The following ACKR2 variants were observed in gnomAD, a reference collection of about 807,000 sequenced individuals.
The protein encoded by ACKR2 is atypical chemokine receptor 2, also known as C-C chemokine receptor D6.
For missense variants in ACKR2, 457 were observed against 477.3 expected (o/e 0.96, Z 0.40); for synonymous variants, 207 against 192.2 (o/e 1.08, Z -0.64).
intron 2 of ACKR2, chr3:42,834,505 T>G (rs913797708): frequency 6.6e-6 from 1 of 152,018 alleles, no homozygotes; most frequent in South Asian, 2.1e-4. Flanking sequence ...CCCACAAATA[T>G]GTAGGACTAT....
At chr3:42,856,472 C>A in intron 2 of ACKR2, 1 of 690,720 alleles carries the variant, frequency 1.4e-6, no homozygotes, top group South Asian at 1.5e-5. Context: ...CGAAGTCTGC[C>A]TGAAAAAAGG....
intron 1 of ACKR2, among the ~76,000 whole-genome samples, chr3:42,812,278 T>C (rs1326572172): frequency 6.6e-6 from 1 of 152,258 alleles, no homozygotes; most frequent in Non-Finnish European, 1.5e-5. Flanking sequence ...GCCAAGCCCT[T>C]ACTGAAACTA....
At chr3:42,827,312 A>C (rs950941138) in intron 2 of ACKR2, among the ~76,000 whole-genome samples, 7 of 152,174 alleles carry the variant, frequency 4.6e-5, no homozygotes, top group Non-Finnish European at 1.5e-5. Flanking sequence ...AATATTTCTT[A>C]ATCCATCTCC....
intron 2 of ACKR2, among the ~76,000 whole-genome samples, chr3:42,825,590 T>TGTGTGTGTGTGTGC (rs1700854378): frequency 6.6e-6 from 1 of 151,282 alleles, no homozygotes; most frequent in Non-Finnish European, 1.5e-5. Context: ...TGTGTGTGTG[T>TGTGTGTGTGTGTGC]GTGTGTGTGT....
chr3:42,844,135 G>A (rs527977605), intron 2 of ACKR2: 3 of 152,296 alleles, frequency 2.0e-5, no homozygotes, highest in African/African-American at 7.2e-5. Flanking sequence ...GTAAATTTTA[G>A]GTTGAACTAT....
In ACKR2 at chr3:42,864,475, A is replaced by T; in HGVS notation, c.-28A>T. On this transcript the variant is annotated 5_prime_UTR_variant, in exon 3 of 3. Transcript: ENST00000422265. ...TATTTTCCCCCCGCAGCACTACAGG[A>T]CGTCGGGACTGGGCATTTCCTTCCA... 2 of 1,563,964 alleles carry T rather than the reference A, an allele frequency of 1.3e-6. No individual in the cohort carries two copies. Among genetic ancestry groups the T allele is most frequent in the Non-Finnish European group, 1.7e-6 (2 of 1,155,990 alleles).
chr3:42,830,907 T>G (rs1700925498), intron 2 of ACKR2, among the ~76,000 whole-genome samples: 1 of 152,104 alleles, frequency 6.6e-6, no homozygotes, highest in Non-Finnish European at 1.5e-5. Context: ...CCAAGTCAGT[T>G]AATTTTAAAC....
chr3:42,812,106 C>T lies in ACKR2; in HGVS notation c.-119+2574C>T, dbSNP rs140222682. 1.2e-3 allele frequency among the ~76,000 whole-genome samples: 178 copies of T among 152,324 alleles called. 2 individuals are homozygous for T. The highest frequency in any genetic ancestry group is 9.3e-3 in the Admixed American group (143 of 15,308). On this transcript the variant is annotated intron_variant, in intron 1 of 2. Coordinates refer to ENST00000422265, the MANE Select transcript of ACKR2 (RefSeq NM_001296.5). ...CCACTGTTCTTTCTCTATACTTTGTCTCTGTGTCTTATTCCTTTTCTCAGT... is the reference window on the plus strand; with the variant it reads ...CCACTGTTCTTTCTCTATACTTTGTTTCTGTGTCTTATTCCTTTTCTCAGT...
Position 42,864,518 on chromosome 3 carries a change from T to C in ACKR2, c.16T>C (p.Ser6Pro), listed in dbSNP as rs758723301. The change falls in exon 3 of 3, where the codon TCT becomes CCT. Residue 6 changes from serine to proline, a missense_variant. Ser to Pro is a moderately conservative substitution (Grantham distance 74). Coordinates refer to ENST00000422265, the MANE Select transcript of ACKR2 (RefSeq NM_001296.5). ...TCCTTCCAACATGGCCGCCACTGCCTCTCCGCAGCCACTCGCCACTGAGGA... is the reference window on the plus strand; with the variant it reads ...TCCTTCCAACATGGCCGCCACTGCCCCTCCGCAGCCACTCGCCACTGAGGA... MAATA[S>P]PQPLATEDAD... The C allele has an allele frequency of 1.9e-6, 3 of 1,602,332 alleles. No individual in the cohort carries two copies. The Admixed American group carries it at 5.1e-5, about 27-fold the overall frequency.
At chr3:42,845,059 T>C (rs1184286726) in intron 2 of ACKR2, among the ~76,000 whole-genome samples, 2 of 152,156 alleles carry the variant, frequency 1.3e-5, no homozygotes, top group Admixed American at 1.3e-4. Context: ...GGGCTACCTG[T>C]GGCCCTGTTC....
intron 2 of ACKR2, among the ~76,000 whole-genome samples, chr3:42,837,169 C>A (rs571088538): frequency 6.6e-6 from 1 of 152,032 alleles, no homozygotes; most frequent in African/African-American, 2.4e-5. Flanking sequence ...GCCTGAGAAG[C>A]AGGGGGGCCA....
chr3:42,853,169 G>C (rs1443102441), intron 2 of ACKR2, among the ~76,000 whole-genome samples: 2 of 152,196 alleles, frequency 1.3e-5, no homozygotes, highest in African/African-American at 4.8e-5. Context: ...GAAGGCAGCT[G>C]TTCATCCTGC....
chr3:42,824,734 A>G (rs373407370), intron 2 of ACKR2, among the ~76,000 whole-genome samples: 9 of 152,328 alleles, frequency 5.9e-5, no homozygotes, highest in African/African-American at 1.9e-4. Context: ...TTGCTTATCC[A>G]TTCATCCATT....
chr3:42,860,720 A>G (rs757579033), intron 2 of ACKR2, among the ~76,000 whole-genome samples: 1 of 152,200 alleles, frequency 6.6e-6, no homozygotes, highest in Admixed American at 6.5e-5. Flanking sequence ...GCTCAAAACT[A>G]TACAACTACA....
rs146955421 is a variant in ACKR2, at chr3:42,843,417, C to T, written c.-37-21049C>T. The stretch of plus-strand genomic sequence containing the variant: ...TGAAACAGAAAGGAATAGAAACTAT[C>T]CTTTTCATTGGTAGTTGGGTAATAT... On this transcript the variant is annotated intron_variant, in intron 2 of 2. Transcript: ENST00000422265. Among the ~76,000 whole-genome samples the T allele has an allele frequency of 2.3e-3, 357 of 152,242 alleles. 1 individual carries two copies. The highest frequency in any genetic ancestry group is 6.7e-3 in the African/African-American group (279 of 41,532).
intron 2 of ACKR2, chr3:42,851,392 T>G: frequency 1.0e-6 from 1 of 985,544 alleles, no homozygotes; most frequent in Non-Finnish European, 1.2e-6. Context: ...AAGAGGCACC[T>G]GGCGCTGCCG....
intron 2 of ACKR2, among the ~76,000 whole-genome samples, chr3:42,828,078 A>G (rs1700887812): frequency 1.1e-5 from 1 of 91,952 alleles, no homozygotes; most frequent in Non-Finnish European, 2.4e-5. Flanking sequence ...CTTGCATTAT[A>G]TATATATATA....
intron 2 of ACKR2, among the ~76,000 whole-genome samples, chr3:42,831,994 A>G (rs939824101): frequency 6.6e-5 from 10 of 152,240 alleles, no homozygotes; most frequent in Admixed American, 6.5e-5. Context: ...AATTATGTCT[A>G]TGAATTTTGT....
chr3:42,861,757 C>A (rs1216976220), intron 2 of ACKR2, among the ~76,000 whole-genome samples: 2 of 152,164 alleles, frequency 1.3e-5, no homozygotes, highest in Non-Finnish European at 2.9e-5. Flanking sequence ...GAACCAATGA[C>A]AAAAACCACA....
Sources: gnomAD v4.1 joint callset for allele counts (sites outside exome capture counted in the v4.1 genomes callset) on GRCh38, gnomAD v4.1.1 for gene constraint, MANE v1.5 for transcripts, NCBI Gene and HGNC (gene_info 2026-07-23, HGNC 2026-07-21) for gene names.